The following TUBD1 variants were observed in gnomAD, a reference collection of about 807,000 sequenced individuals.
TUBD1 encodes tubulin delta 1, also known as tubulin delta chain.
A neutral mutation model predicts 51.2 loss-of-function variants in TUBD1; 38 were observed. The ratio of observed to expected loss-of-function variants is 0.74; its 90% CI spans 0.57 to 0.97. TUBD1 has a LOEUF of 0.97. Among genes scored for constraint, TUBD1 ranks in the 50% least tolerant of loss-of-function variants. The pLI, the probability that TUBD1 is intolerant of heterozygous loss-of-function variation, is 0.00. For synonymous variants in TUBD1, 169 were observed against 178.2 expected (o/e 0.95, Z 0.41); for missense variants, 489 against 538.4 (o/e 0.91, Z 0.91).
chr17:59,878,034 G>T, intron 5 of TUBD1, 69 bp downstream of exon 5: 1 of 1,283,458 alleles, frequency 7.8e-7, no homozygotes. Flanking sequence ...GGAGGAGACA[G>T]AAAGAATAAA....
Position 59,866,698 on chromosome 17 carries a change from T to A in TUBD1, c.986A>T (p.Lys329Ile). ...ATGCAGGTCCTTGTTGAGAGACATT[T>A]TACTAAGAGGAGGAAGTCCTGATAA... ...PPLSGLPPLS[K>I]MSLNKDLHFN... The change falls in exon 7 of 9, where the codon AAA (lysine) becomes ATA (isoleucine). Residue 329 changes from lysine (K) to isoleucine (I), a missense_variant. Transcript: ENST00000325752. 3 of 1,614,182 alleles carry A rather than the reference T, an allele frequency of 1.9e-6. No homozygotes were observed. Among genetic ancestry groups the A allele is most frequent in the Non-Finnish European group, 2.5e-6 (3 of 1,180,042 alleles).
chr17:59,879,206 T>G (rs2040367589), intron 4 of TUBD1, among the ~76,000 whole-genome samples: 1 of 145,886 alleles, frequency 6.9e-6, no homozygotes, highest in Non-Finnish European at 1.5e-5. Flanking sequence ...AGGCGGAGGT[T>G]GCGGTGAGCC....
In TUBD1 at chr17:59,892,855, A is replaced by G. The variant is rs535513188; in HGVS notation, c.-198T>C. ...TGTATATATTTTTTCCTATTCAGAA[A>G]GATTAATTACGCATGTTCAATTTCA... On this transcript the variant is annotated 5_prime_UTR_variant, in exon 1 of 9. Coordinates refer to ENST00000325752, the MANE Select transcript of TUBD1 (RefSeq NM_016261.4). 3.1e-5 allele frequency: 9 copies of G among 291,978 alleles called. No individual in the cohort carries two copies. Among genetic ancestry groups the G allele is most frequent in the Admixed American group, 4.4e-5 (1 of 22,842 alleles). The allele number at this position is 291,978 out of a possible 1,614,324, so 18.1% of individuals were successfully genotyped here.
At chr17:59,869,356 G>A (rs2039875229) in intron 6 of TUBD1, among the ~76,000 whole-genome samples, 1 of 151,426 alleles carries the variant, frequency 6.6e-6, no homozygotes, top group Non-Finnish European at 1.5e-5. Flanking sequence ...CGCACCTGTA[G>A]TCCCAGCTAT....
At chr17:59,885,610 T>A in intron 3 of TUBD1, 1 of 935,880 alleles carries the variant, frequency 1.1e-6, no homozygotes, top group Non-Finnish European at 1.7e-6. Context: ...TTCCTAGAAA[T>A]TTAACCTTAA....
intron 8 of TUBD1, among the ~76,000 whole-genome samples, chr17:59,862,649 CCTGCCT>C (rs2039506802): frequency 6.6e-6 from 1 of 150,910 alleles, no homozygotes; most frequent in Non-Finnish European, 1.5e-5. Context: ...AAGTGATTCT[CCTGCCT>C]CAGCCTCCCA....
Position 59,881,093 on chromosome 17 carries a change from G to A in TUBD1, c.338C>T (p.Pro113Leu), listed in dbSNP as rs2144538332. 1 of 1,613,800 alleles carries A rather than the reference G, an allele frequency of 6.2e-7. No homozygotes were observed. The highest frequency in any genetic ancestry group is 1.3e-5 in the African/African-American group (1 of 74,962). Reference protein sequence around the residue: ...NWAYGYSVHGPRHEESIMNII... With the variant: ...NWAYGYSVHGLRHEESIMNII... ...GTTCATTATAGATTCTTCATGCCTG[G>A]GTCCATGAACAGAGTAACTATGCAA... is the stretch of plus-strand genomic sequence containing the variant. The change falls in exon 4 of 9, where the codon CCC (proline) becomes CTC (leucine). Residue 113 changes from proline (P) to leucine (L), a missense_variant. Transcript: ENST00000325752.
intron 6 of TUBD1, among the ~76,000 whole-genome samples, chr17:59,872,636 G>T (rs1221539287): frequency 7.1e-6 from 1 of 140,962 alleles, no homozygotes; most frequent in African/African-American, 2.7e-5. Context: ...AATTGTGTTT[G>T]TATGTGTGAG....
chr17:59,860,456 A>T, intron 8 of TUBD1, 32 bp from the exon 9 acceptor site: 1 of 1,388,164 alleles, frequency 7.2e-7, no homozygotes, highest in Non-Finnish European at 1.0e-6. Flanking sequence ...CAGAAATTAC[A>T]AAATAAAAAA....
intron 6 of TUBD1, among the ~76,000 whole-genome samples, chr17:59,872,676 A>G (rs1165006686): frequency 6.7e-6 from 1 of 149,478 alleles, no homozygotes; most frequent in African/African-American, 2.5e-5. Flanking sequence ...ATGTGTCAGT[A>G]TATATATGAA....
At chr17:59,867,709 G>A (rs1325894319) in intron 6 of TUBD1, among the ~76,000 whole-genome samples, 1 of 151,914 alleles carries the variant, frequency 6.6e-6, no homozygotes, top group Admixed American at 6.6e-5. Context: ...AATCCATGCT[G>A]CTTTTGGAGG....
chr17:59,877,241 A>G (rs1170654770), intron 5 of TUBD1, among the ~76,000 whole-genome samples: 1 of 152,230 alleles, frequency 6.6e-6, no homozygotes, highest in Non-Finnish European at 1.5e-5. Context: ...TCTTTCTGGC[A>G]AAATCCCAGT....
At chr17:59,868,329 T>C (rs1222271552) in intron 6 of TUBD1, among the ~76,000 whole-genome samples, 1 of 143,914 alleles carries the variant, frequency 6.9e-6, no homozygotes, top group Admixed American at 7.0e-5. Context: ...CCTTGCTCCC[T>C]CCTGGATCAC....
chr17:59,868,662 C>T (rs1387640348), intron 6 of TUBD1, among the ~76,000 whole-genome samples: 2 of 151,964 alleles, frequency 1.3e-5, no homozygotes. Context: ...CATGGTGAAA[C>T]CCCATCTCTA....
At chr17:59,861,503 C>T (rs2039443037) in intron 8 of TUBD1, among the ~76,000 whole-genome samples, 1 of 151,810 alleles carries the variant, frequency 6.6e-6, no homozygotes. Context: ...CTGGCTGCTC[C>T]CTGCAAATGT....
chr17:59,892,546 GTTTA>G (rs1402744828), intron 1 of TUBD1, among the ~76,000 whole-genome samples, 147 bp downstream of exon 1: 1 of 152,130 alleles, frequency 6.6e-6, no homozygotes, highest in Non-Finnish European at 1.5e-5. Flanking sequence ...GGCAAAGTAG[GTTTA>G]TTATTATCCT....
chr17:59,861,015 T>C (rs1334306850), intron 8 of TUBD1, among the ~76,000 whole-genome samples: 1 of 151,990 alleles, frequency 6.6e-6, no homozygotes, highest in Non-Finnish European at 1.5e-5. Flanking sequence ...TATATACATA[T>C]ATAACACCCT....
Position 59,863,756 on chromosome 17 carries a change from A to G in TUBD1, c.1167T>C (p.Tyr389=), listed in dbSNP as rs1568277491. The change falls in exon 8 of 9, where the codon TAT becomes TAC. Residue 389 remains tyrosine (Y), a synonymous_variant. Coordinates refer to ENST00000325752, the MANE Select transcript of TUBD1 (RefSeq NM_016261.4). ...VWKTQRAFSK[Y]EKSAVLVSNS... is the part of the protein sequence containing the mutation. Reference sequence around the variant, plus strand: ...TGCTGACCAACACTGCAGACTTCTCATATTTGCTAAAGGCCCGCTGGGTTT... The same window carrying G: ...TGCTGACCAACACTGCAGACTTCTCGTATTTGCTAAAGGCCCGCTGGGTTT... 14 of 1,611,460 alleles carry G rather than the reference A, an allele frequency of 8.7e-6. No homozygotes were observed. In the East Asian group the frequency reaches 1.8e-4, roughly 21 times the overall value.
Position 59,878,128 on chromosome 17 carries a change from T to G in TUBD1, c.744A>C (p.Ser248=), listed in dbSNP as rs145311515. Reference sequence around the variant, plus strand: ...CTAGTGGATTTCGTCTGTAGTGAAATGAGCTTTCTGCAGAATAAGTAGGCT... The same window carrying G: ...CTAGTGGATTTCGTCTGTAGTGAAAGGAGCTTTCTGCAGAATAAGTAGGCT... The part of the protein sequence containing the change: ...VFQPTYSAES[S]FHYRRNPLGD... The change falls in exon 5 of 9, where the codon TCA becomes TCC. Residue 248 remains serine (S), a synonymous_variant. Transcript: ENST00000325752. The G allele has an allele frequency of 5.6e-5, 91 of 1,614,098 alleles. No homozygotes were observed. The African/African-American group carries it at 1.1e-3, about 20-fold the overall frequency.
Sources: gnomAD v4.1 joint callset for allele counts (sites outside exome capture counted in the v4.1 genomes callset) on GRCh38, gnomAD v4.1.1 for gene constraint, MANE v1.5 for transcripts, NCBI Gene and HGNC (gene_info 2026-07-23, HGNC 2026-07-21) for gene names.